Variants in FOXP2 observed in about 807,000 individuals in gnomAD.
The protein encoded by FOXP2 is forkhead box P2.
FOXP2 carries 12 observed loss-of-function variants against 115.8 expected under a neutral mutation model. That is an observed-to-expected ratio of 0.10 (90% CI 0.07 to 0.17). The LOEUF (loss-of-function observed/expected upper bound fraction) is 0.17. Ranked by LOEUF, FOXP2 falls within the 10% of genes least tolerant of loss-of-function variation. The probability of loss-of-function intolerance (pLI) is 1.00; values close to 1 mark genes in which losing one functional copy is unlikely to be tolerated. For missense variants in FOXP2, 629 were observed against 843.5 expected (o/e 0.75, Z 3.15); for synonymous variants, 328 against 297.7 (o/e 1.10, Z -1.05).
intron 1 of FOXP2, among the ~76,000 whole-genome samples, chr7:114,090,839 C>T (rs983416200): frequency 6.6e-6 from 1 of 150,714 alleles, no homozygotes; most frequent in Admixed American, 6.6e-5. Context: ...AGGCTTAGGT[C>T]ATTTTCATTG....
At chr7:114,308,427 A>C (rs1019899548) in intron 2 of FOXP2, among the ~76,000 whole-genome samples, 1 of 152,124 alleles carries the variant, frequency 6.6e-6, no homozygotes, top group East Asian at 1.9e-4. Context: ...ATATCTAGAA[A>C]CGGTCAGAGT....
At chr7:114,512,438 G>C (rs1798122633) in intron 2 of FOXP2, among the ~76,000 whole-genome samples, 1 of 152,116 alleles carries the variant, frequency 6.6e-6, no homozygotes, top group Admixed American at 6.6e-5. Context: ...AGTAATGTCT[G>C]GATCCTTTGT....
At chr7:114,297,499 T>A (rs1353164730) in intron 2 of FOXP2, 1 of 297,392 alleles carries the variant, frequency 3.4e-6, no homozygotes, top group Non-Finnish European at 6.4e-6. Flanking sequence ...TGCCCAATAG[T>A]CCATCAATTC....
At chr7:114,246,128 T>A (rs1795277409) in intron 1 of FOXP2, among the ~76,000 whole-genome samples, 1 of 152,166 alleles carries the variant, frequency 6.6e-6, no homozygotes, top group African/African-American at 2.4e-5. Flanking sequence ...TATCTTTGTA[T>A]GTATGATATT....
chr7:114,309,184 T>C (rs1797084388), intron 2 of FOXP2, among the ~76,000 whole-genome samples: 1 of 152,196 alleles, frequency 6.6e-6, no homozygotes, highest in Non-Finnish European at 1.5e-5. Context: ...GTATCTCCCA[T>C]TATAAAATAC....
intron 2 of FOXP2, among the ~76,000 whole-genome samples, chr7:114,448,878 T>G (rs550497377): frequency 3.2e-4 from 49 of 152,272 alleles, no homozygotes; most frequent in African/African-American, 1.1e-3. Context: ...AGGATAAAAT[T>G]GTGTATGCTG....
At chr7:114,118,408 T>C (rs1230679137) in intron 1 of FOXP2, among the ~76,000 whole-genome samples, 1 of 151,662 alleles carries the variant, frequency 6.6e-6, no homozygotes, top group Non-Finnish European at 1.5e-5. Flanking sequence ...TAGACAGGTA[T>C]AGTAAATGAC....
At chr7:114,106,686 GGAAACCT>G (rs1417605039) in intron 1 of FOXP2, among the ~76,000 whole-genome samples, 5 of 151,948 alleles carry the variant, frequency 3.3e-5, no homozygotes, top group South Asian at 4.1e-4. Context: ...GTATAACCTT[GGAAACCT>G]GAAACCTGAA....
intron 2 of FOXP2, among the ~76,000 whole-genome samples, chr7:114,344,030 G>A (rs1174214403): frequency 1.3e-5 from 2 of 151,310 alleles, no homozygotes; most frequent in Admixed American, 1.3e-4. Flanking sequence ...TCAGCAAACA[G>A]CAGTGATTTT....
intron 1 of FOXP2, among the ~76,000 whole-genome samples, chr7:114,142,301 C>A (rs986652062): frequency 1.3e-5 from 2 of 152,114 alleles, no homozygotes; most frequent in African/African-American, 2.4e-5. Flanking sequence ...GGATTACAGG[C>A]GTGAGCCACT....
At chr7:114,294,525 G>A (rs939318169) in intron 2 of FOXP2, among the ~76,000 whole-genome samples, 1 of 152,088 alleles carries the variant, frequency 6.6e-6, no homozygotes, top group African/African-American at 2.4e-5. Context: ...GTATCAGCAA[G>A]TAATAGAACA....
At chr7:114,655,600 A>G (rs1227010779) in intron 10 of FOXP2, among the ~76,000 whole-genome samples, 3 of 152,266 alleles carry the variant, frequency 2.0e-5, no homozygotes, top group Admixed American at 6.5e-5. Flanking sequence ...ACAACCCTCA[A>G]AAAAACCCTA....
chr7:114,220,989 A>T (rs966697153), intron 1 of FOXP2, among the ~76,000 whole-genome samples: 1 of 152,148 alleles, frequency 6.6e-6, no homozygotes, highest in Non-Finnish European at 1.5e-5. Flanking sequence ...TAATAGTATG[A>T]CAGATTTATG....
intron 8 of FOXP2, among the ~76,000 whole-genome samples, chr7:114,647,486 C>G (rs1000129292): frequency 6.6e-5 from 10 of 151,422 alleles, no homozygotes; most frequent in Non-Finnish European, 1.3e-4. Flanking sequence ...AAAAAAAATT[C>G]AGACTAAGTT....
intron 1 of FOXP2, among the ~76,000 whole-genome samples, chr7:114,206,611 A>G (rs964660517): frequency 6.6e-6 from 1 of 152,122 alleles, no homozygotes; most frequent in African/African-American, 2.4e-5. Flanking sequence ...AACTGTAATT[A>G]TCTTGCTTAT....
In FOXP2 at chr7:114,691,955, A is replaced by G. The variant is rs769993562; in HGVS notation, c.*2029A>G. 72 of 419,298 alleles carry G rather than the reference A, an allele frequency of 1.7e-4. No individual in the cohort carries two copies. Among genetic ancestry groups the G allele is most frequent in the Non-Finnish European group, 2.9e-4 (64 of 218,266 alleles). The allele number at this position is 419,298 out of a possible 1,614,324, so 26.0% of individuals were successfully genotyped here. ...AAAAAAAAAAAAAGAAAAAAAAAAA[A>G]AGAAAAACATTAGAACAATTATGGC... On this transcript the variant is annotated 3_prime_UTR_variant, in exon 17 of 17. Coordinates refer to ENST00000350908, the MANE Select transcript of FOXP2 (RefSeq NM_014491.4).
chr7:114,615,214 G>C (rs1803867844), intron 3 of FOXP2, among the ~76,000 whole-genome samples: 1 of 152,110 alleles, frequency 6.6e-6, no homozygotes. Flanking sequence ...GCAAGATTCT[G>C]TCTCAGAAAA....
At chr7:114,130,777 T>G (rs544353667) in intron 1 of FOXP2, among the ~76,000 whole-genome samples, 49 of 152,134 alleles carry the variant, frequency 3.2e-4, no homozygotes, top group Non-Finnish European at 6.6e-4. Flanking sequence ...TTTGAGAAAA[T>G]TGGGAATTTA....
At chr7:114,524,312 G>T (rs2129271255) in intron 2 of FOXP2, among the ~76,000 whole-genome samples, 1 of 151,920 alleles carries the variant, frequency 6.6e-6, no homozygotes, top group South Asian at 2.1e-4. Flanking sequence ...AAAAAATAAA[G>T]AAAAAGAAAA....
Sources: allele counts gnomAD v4.1 joint callset (sites outside exome capture counted in the v4.1 genomes callset), GRCh38; gene constraint gnomAD v4.1.1; transcripts MANE v1.5; gene names NCBI Gene and HGNC (gene_info 2026-07-23, HGNC 2026-07-21).